The following SPG7 variants were observed in gnomAD, a reference collection of about 807,000 sequenced individuals.
SPG7 encodes the protein SPG7 matrix AAA peptidase subunit, paraplegin.
A neutral mutation model predicts 81.9 loss-of-function variants in SPG7; 103 were observed. That is an observed-to-expected ratio of 1.26 (90% CI 1.07 to 1.48). The LOEUF is 1.48. Ranked by LOEUF, SPG7 falls within the 40% of genes most tolerant of loss-of-function variation. SPG7 has a pLI of 0.00. For missense variants in SPG7, 1,241 were observed against 1,087.3 expected (o/e 1.14, Z -1.99); for synonymous variants, 534 against 444.2 (o/e 1.20, Z -2.54).
chr16:89,515,733 G>C (rs1404903006), intron 3 of SPG7, among the ~76,000 whole-genome samples: 1 of 150,426 alleles, frequency 6.6e-6, no homozygotes, highest in Non-Finnish European at 1.5e-5. Context: ...TTTTGAGATG[G>C]GGTCTCGCTC....
At chr16:89,548,218 G>A (rs1240418683) in intron 12 of SPG7, 105 bp downstream of exon 12, 1 of 781,604 alleles carries the variant, frequency 1.3e-6, no homozygotes, top group East Asian at 2.5e-5. Flanking sequence ...CATCACACAG[G>A]AAGGAACACA....
intron 13 of SPG7, chr16:89,551,900 A>T (rs1362480575): frequency 2.0e-5 from 3 of 152,186 alleles, no homozygotes; most frequent in African/African-American, 7.2e-5. Flanking sequence ...CAAAGGGAAA[A>T]AAAAAGAATT....
At chr16:89,542,832 G>A (rs1189389866) in intron 9 of SPG7, among the ~76,000 whole-genome samples, 1 of 151,958 alleles carries the variant, frequency 6.6e-6, no homozygotes, top group Non-Finnish European at 1.5e-5. Flanking sequence ...CACCTCCTAG[G>A]CTCACATGGT....
chr16:89,511,986 A>G (rs1310389971), intron 2 of SPG7, among the ~76,000 whole-genome samples: 2 of 151,840 alleles, frequency 1.3e-5, no homozygotes, highest in African/African-American at 4.8e-5. Context: ...ATCTCCGCTC[A>G]CTGCAAGCTC....
chr16:89,556,494 T>G (rs1182926037), intron 16 of SPG7: 1 of 302,220 alleles, frequency 3.3e-6, no homozygotes, highest in Non-Finnish European at 6.2e-6. Context: ...TTCCCCAACT[T>G]GAGAGGTCCC....
rs150288199 is a variant in SPG7, at chr16:89,509,968, T to G, written c.184-522T>G. Among the ~76,000 whole-genome samples the G allele has an allele frequency of 3.0e-3, 446 of 147,500 alleles. 1 individual carries two copies. The highest frequency in any genetic ancestry group is 0.011 in the African/African-American group (428 of 39,936). On this transcript the variant is annotated intron_variant, in intron 1 of 16. Coordinates refer to ENST00000645818, the MANE Select transcript of SPG7 (RefSeq NM_003119.4). The stretch of plus-strand genomic sequence containing the variant: ...CGTGCCTGGCCACTATCGTGATTTT[T>G]TGTTTGTTTATTTGTTTGTTTTTTG...
chr16:89,551,330 G>C (rs1196589136), intron 13 of SPG7: 1 of 158,190 alleles, frequency 6.3e-6, no homozygotes, highest in Non-Finnish European at 1.4e-5. Flanking sequence ...TGCATACGCT[G>C]TAGCAGTTGC....
chr16:89,554,480 T>C lies in SPG7; in HGVS notation c.2104-6T>C. ...TTGCCCCTGACACAGTTCCCTCCAC[T>C]CACAGGAAGCAAGACTGCTGGTGGC... On this transcript the variant is annotated splice_region_variant and splice_polypyrimidine_tract_variant and intron_variant, in intron 15 of 16. Transcript: ENST00000645818. The C allele has an allele frequency of 6.2e-7, 1 of 1,605,194 alleles. No homozygotes were observed. The highest frequency in any genetic ancestry group is 8.5e-7 in the Non-Finnish European group (1 of 1,177,248).
In SPG7 at chr16:89,548,061, C is replaced by T; in HGVS notation, c.1611C>T (p.His537=). The T allele has an allele frequency of 6.2e-7, 1 of 1,610,964 alleles. No individual in the cohort carries two copies. ...CGCTGCACGCGGCGCGGGAGGGACA[C>T]ACTTCCGTGCACACTCTCAACTTCG... ...EAALHAAREG[H]TSVHTLNFEY... is the part of the protein sequence containing the mutation. Residue 537 remains histidine, a synonymous_variant, in exon 12 of 17, where the codon CAC becomes CAT. Coordinates refer to ENST00000645818, the MANE Select transcript of SPG7 (RefSeq NM_003119.4).
At chr16:89,540,029 G>C (rs1046423070) in intron 9 of SPG7, 2 of 152,522 alleles carry the variant, frequency 1.3e-5, no homozygotes, top group African/African-American at 4.8e-5. Flanking sequence ...TTTCCACCAA[G>C]TTGTGCTTGC....
intron 9 of SPG7, chr16:89,544,270 G>C: frequency 3.1e-6 from 1 of 324,832 alleles, no homozygotes; most frequent in Non-Finnish European, 6.1e-6. Flanking sequence ...GCCTAAAGCT[G>C]GGTGTTAGCT....
chr16:89,515,677 C>A (rs985125693), intron 3 of SPG7, among the ~76,000 whole-genome samples: 4 of 145,282 alleles, frequency 2.8e-5, no homozygotes, highest in Non-Finnish European at 6.0e-5. Context: ...GAGTTTAAGA[C>A]CCTCATTTCT....
At chr16:89,546,350 CCCGG>C (rs2152409739) in intron 10 of SPG7, 1 of 369,340 alleles carries the variant, frequency 2.7e-6, no homozygotes, top group East Asian at 6.8e-5. Flanking sequence ...AGCCACCGGG[CCCGG>C]CCATCCAACA....
At chr16:89,526,182 A>G in intron 4 of SPG7, 147 bp from the exon 5 acceptor site, 1 of 922,856 alleles carries the variant, frequency 1.1e-6, no homozygotes, top group Admixed American at 1.8e-5. Context: ...GTCGTACGTT[A>G]GGAATCACCT....
chr16:89,514,060 T>G (rs1434403338), intron 3 of SPG7, among the ~76,000 whole-genome samples: 1 of 152,122 alleles, frequency 6.6e-6, no homozygotes, highest in Admixed American at 6.6e-5. Context: ...CTCTCCCTAC[T>G]GAGCTCTCGA....
intron 3 of SPG7, 123 bp downstream of exon 3, chr16:89,513,160 C>A: frequency 7.1e-7 from 1 of 1,408,036 alleles, no homozygotes; most frequent in Non-Finnish European, 9.7e-7. Flanking sequence ...CAGTGGCTCA[C>A]ACTTGTAATC....
chr16:89,532,943 T>C (rs1165134425), intron 9 of SPG7: 4 of 410,744 alleles, frequency 9.7e-6, no homozygotes, highest in Non-Finnish European at 1.8e-5. Context: ...GTCAGCCGGG[T>C]GTGGTGGCAG....
chr16:89,528,411 A>AT (rs201889628), intron 5 of SPG7, among the ~76,000 whole-genome samples: 3,776 of 145,990 alleles, frequency 0.026, 92 homozygotes, highest in East Asian at 0.13. Flanking sequence ...AAAAAAAAAA[A>AT]GAAGAAGATG....
chr16:89,552,439 G>A (rs907522137), intron 13 of SPG7: 12 of 166,148 alleles, frequency 7.2e-5, no homozygotes, highest in Admixed American at 2.3e-4. Context: ...ACAATTCTCA[G>A]AAGCAGCAGC....
Sources: gnomAD v4.1 joint callset for allele counts (sites outside exome capture counted in the v4.1 genomes callset) on GRCh38, gnomAD v4.1.1 for gene constraint, MANE v1.5 for transcripts, NCBI Gene and HGNC (gene_info 2026-07-23, HGNC 2026-07-21) for gene names.